Variants in PASD1 observed in about 807,000 individuals in gnomAD.
PASD1 encodes the protein PAS domain containing repressor 1, also known as circadian clock protein PASD1.
In PASD1, 13 loss-of-function variants were observed where a neutral mutation model predicts 58.8. That is an observed-to-expected ratio of 0.22 (90% confidence interval 0.14 to 0.35). The LOEUF is 0.35. Among genes scored for constraint, PASD1 ranks in the 10% least tolerant of loss-of-function variants. The probability of loss-of-function intolerance (pLI) is 1.00; values close to 1 mark genes in which losing one functional copy is unlikely to be tolerated. For synonymous variants in PASD1, 236 were observed against 216.7 expected (o/e 1.09, Z -0.78); for missense variants, 734 against 568.3 (o/e 1.29, Z -2.96).
intron 1 of PASD1, among the ~76,000 whole-genome samples, chrX:151,568,997 A>G (rs2012888840): frequency 9.0e-6 from 1 of 111,464 alleles, no homozygotes; most frequent in East Asian, 2.8e-4. Context: ...AGCTGGGACT[A>G]GATCCCAAGA....
chrX:151,647,676 A>G (rs2014077446), intron 8 of PASD1, among the ~76,000 whole-genome samples: 2 of 110,629 alleles, frequency 1.8e-5, no homozygotes, highest in Admixed American at 1.9e-4. Context: ...CGTATTTTGG[A>G]TATCCGAAAT....
chrX:151,582,498 T>G (rs2013112691), intron 1 of PASD1, among the ~76,000 whole-genome samples: 1 of 110,877 alleles, frequency 9.0e-6, no homozygotes, highest in African/African-American at 3.3e-5. Context: ...TTCAGTGTCA[T>G]GGTCCACTCA....
chrX:151,621,949 T>C (rs900891894), intron 6 of PASD1, among the ~76,000 whole-genome samples: 1 of 109,889 alleles, frequency 9.1e-6, no homozygotes, highest in African/African-American at 3.3e-5. Flanking sequence ...GCAGCTGATT[T>C]TGTGGTGGCC....
intron 4 of PASD1, among the ~76,000 whole-genome samples, chrX:151,617,638 A>G (rs1330603992): frequency 1.8e-5 from 2 of 112,005 alleles, no homozygotes; most frequent in African/African-American, 6.5e-5. Context: ...TAAGTATAAA[A>G]TCTTATTCAG....
chrX:151,628,367 G>T (rs188364156), intron 8 of PASD1, among the ~76,000 whole-genome samples: 33 of 111,733 alleles, frequency 3.0e-4, no homozygotes, highest in African/African-American at 7.1e-4. Flanking sequence ...TAATCCATCT[G>T]GAATTAATTT....
At chrX:151,666,548 T>C (rs1024663630) in intron 11 of PASD1, among the ~76,000 whole-genome samples, 6 of 101,024 alleles carry the variant, frequency 5.9e-5, no homozygotes, top group Admixed American at 5.4e-4. Context: ...CCCCACCCCA[T>C]GACAGGCCCT....
chrX:151,669,534 TTC>T (rs771390433), intron 11 of PASD1, among the ~76,000 whole-genome samples: 1,132 of 110,932 alleles, frequency 0.01, 15 homozygotes, highest in African/African-American at 0.034. Context: ...TCAACTTCTC[TTC>T]ATCCCCCTCT....
intron 1 of PASD1, among the ~76,000 whole-genome samples, chrX:151,584,776 G>T (rs2013143920): frequency 8.9e-6 from 1 of 111,871 alleles, no homozygotes; most frequent in Non-Finnish European, 1.9e-5. Flanking sequence ...GATTTCTCTG[G>T]AATTATTTAT....
intron 11 of PASD1, among the ~76,000 whole-genome samples, chrX:151,669,366 A>T (rs1398106884): frequency 1.8e-5 from 2 of 110,219 alleles, no homozygotes; most frequent in African/African-American, 6.6e-5. Context: ...GGTAATCAGG[A>T]TACCCATCAC....
intron 7 of PASD1, 117 bp downstream of exon 7, chrX:151,623,181 C>A: frequency 1.2e-6 from 1 of 850,606 alleles, no homozygotes; most frequent in Non-Finnish European, 1.6e-6. Flanking sequence ...TCAGTGTGTG[C>A]AGAGGGTTGT....
At position 151,627,098 on chromosome X, in the gene PASD1, A is replaced by G. The variant is rs374786456; in HGVS notation, c.629+1568A>G. On this transcript the variant is annotated intron_variant, in intron 8 of 15. Coordinates refer to ENST00000370357, the MANE Select transcript of PASD1 (RefSeq NM_173493.3). ...GTGTAATTGTGTGTTGAATGTGACA[A>G]TGTGACATGTCTGCTCATGCCATGA... Among the ~76,000 whole-genome samples the G allele has an allele frequency of 4.6e-4, 52 of 111,865 alleles. No homozygotes were observed. In the East Asian group the frequency reaches 5.3e-3, roughly 11 times the overall value.
chrX:151,605,368 C>G (rs773097083), intron 3 of PASD1, among the ~76,000 whole-genome samples: 2 of 111,194 alleles, frequency 1.8e-5, no homozygotes, highest in African/African-American at 6.6e-5. Flanking sequence ...TATAGTACAG[C>G]GTTTGGCAAT....
At chrX:151,638,745 A>G (rs2013962541) in intron 8 of PASD1, among the ~76,000 whole-genome samples, 1 of 111,643 alleles carries the variant, frequency 9.0e-6, no homozygotes, top group African/African-American at 3.3e-5. Context: ...TTTTGGTGAC[A>G]TGTCTTAAGA....
At chrX:151,623,512 G>C (rs1480219446) in intron 7 of PASD1, among the ~76,000 whole-genome samples, 1 of 111,609 alleles carries the variant, frequency 9.0e-6, no homozygotes, top group Admixed American at 9.6e-5. Context: ...GCTCTAAAAA[G>C]AATTCACTTT....
chrX:151,630,566 T>C (rs1324070211), intron 8 of PASD1, among the ~76,000 whole-genome samples: 1 of 112,354 alleles, frequency 8.9e-6, no homozygotes, highest in Non-Finnish European at 1.9e-5. Context: ...GGAGAAGAGA[T>C]TGCATCATAT....
chrX:151,665,848 G>C (rs187331271), intron 11 of PASD1, among the ~76,000 whole-genome samples: 1 of 107,122 alleles, frequency 9.3e-6, no homozygotes, highest in African/African-American at 3.4e-5. Context: ...GTTTAGAGGG[G>C]TGTGTGTGTG....
chrX:151,671,832 A>G, intron 13 of PASD1, 53 bp downstream of exon 13: 1 of 1,124,098 alleles, frequency 8.9e-7, no homozygotes. Flanking sequence ...TGTTTTCTTG[A>G]GGACTTTGAC....
Position 151,671,096 on chromosome X carries a change from T to A in PASD1, c.1130T>A (p.Met377Lys). ...YDIISQELEL[M>K]KKLKEQLEER... ...ATCATTAGCCAGGAACTGGAACTGATGAAGAAGTTGAAGGAGCAGCTAGAA... is the reference window on the plus strand; with the variant it reads ...ATCATTAGCCAGGAACTGGAACTGAAGAAGAAGTTGAAGGAGCAGCTAGAA... The change falls in exon 12 of 16, where the codon ATG becomes AAG. Residue 377 changes from methionine to lysine, a missense_variant. Met to Lys is a moderately conservative substitution (Grantham distance 95). Transcript: ENST00000370357. 8.3e-7 allele frequency: 1 copy of A among 1,211,533 alleles called. No homozygotes were observed. Among genetic ancestry groups the A allele is most frequent in the Non-Finnish European group, 1.1e-6 (1 of 895,266 alleles).
At chrX:151,668,811 C>G (rs1311407483) in intron 11 of PASD1, among the ~76,000 whole-genome samples, 5 of 108,940 alleles carry the variant, frequency 4.6e-5, no homozygotes, top group African/African-American at 1.7e-4. Flanking sequence ...CGTTCTGAAA[C>G]TATTCCAATC....
Sources: allele counts gnomAD v4.1 joint callset (sites outside exome capture counted in the v4.1 genomes callset), GRCh38; gene constraint gnomAD v4.1.1; transcripts MANE v1.5; gene names NCBI Gene and HGNC (gene_info 2026-07-23, HGNC 2026-07-21).